SPAG16: variants seen among roughly 807,000 people sequenced by gnomAD.
The protein encoded by SPAG16 is sperm associated antigen 16, also known as sperm-associated antigen 16 protein.
In SPAG16, 86 loss-of-function variants were observed where a neutral mutation model predicts 80.4. The observed-to-expected ratio is 1.07, with a 90% CI of 0.90 to 1.28. The LOEUF is 1.28. Among genes scored for constraint, SPAG16 ranks in the 50% most tolerant of loss-of-function variants. The pLI, the probability that SPAG16 is intolerant of heterozygous loss-of-function variation, is 0.00. For synonymous variants in SPAG16, 294 were observed against 265.9 expected, an observed-to-expected ratio of 1.11 and a Z score of -1.03; for missense variants, 870 against 765.3, an observed-to-expected ratio of 1.14 and a Z score of -1.61.
intron 3 of SPAG16, among the ~76,000 whole-genome samples, chr2:213,300,596 G>T (rs2062700375): frequency 1.3e-5 from 2 of 152,082 alleles, no homozygotes; most frequent in South Asian, 4.1e-4. Context: ...ATACTAAAAA[G>T]ATTTGTAAAA....
chr2:214,234,071 G>T (rs13002516), intron 15 of SPAG16, among the ~76,000 whole-genome samples: 47,883 of 121,782 alleles, frequency 0.39, 7,718 homozygotes, highest in East Asian at 0.55. Flanking sequence ...AGTATGTGTT[G>T]TTTCCCCCCC....
chr2:213,907,055 T>C (rs1468634581), intron 11 of SPAG16, among the ~76,000 whole-genome samples: 1 of 152,022 alleles, frequency 6.6e-6, no homozygotes, highest in Non-Finnish European at 1.5e-5. Flanking sequence ...AAGGAAACAA[T>C]CAACAGAATG....
intron 12 of SPAG16, among the ~76,000 whole-genome samples, chr2:213,976,283 TG>T (rs1287051293): frequency 6.6e-6 from 1 of 151,108 alleles, no homozygotes; most frequent in African/African-American, 2.4e-5. Context: ...TGCGTACACA[TG>T]TGTGCACATA....
chr2:214,320,731 G>A (rs1696037263), intron 15 of SPAG16, among the ~76,000 whole-genome samples: 1 of 152,028 alleles, frequency 6.6e-6, no homozygotes, highest in African/African-American at 2.4e-5. Flanking sequence ...AACAGCATGG[G>A]GGAAACTGCA....
At chr2:213,971,496 T>C (rs1252313083) in intron 12 of SPAG16, among the ~76,000 whole-genome samples, 1 of 147,286 alleles carries the variant, frequency 6.8e-6, no homozygotes, top group Non-Finnish European at 1.5e-5. Context: ...TGTTAAAACA[T>C]ATGTAACACA....
chr2:214,128,889 C>T (rs952922922), intron 14 of SPAG16, among the ~76,000 whole-genome samples: 1 of 151,788 alleles, frequency 6.6e-6, no homozygotes, highest in Non-Finnish European at 1.5e-5. Flanking sequence ...AGTGCTCAAA[C>T]TAGGGCTAAT....
At chr2:213,882,512 T>A (rs949912318) in intron 11 of SPAG16, among the ~76,000 whole-genome samples, 1 of 152,190 alleles carries the variant, frequency 6.6e-6, no homozygotes, top group Non-Finnish European at 1.5e-5. Flanking sequence ...AGGATTTTAA[T>A]CTGTTCCTGG....
rs1275491731 is a variant in SPAG16 at position 213,305,254 on chromosome 2, T to A, written c.280-4805T>A. 2.0e-5 allele frequency among the ~76,000 whole-genome samples: 3 copies of A among 152,110 alleles called. No individual in the cohort carries two copies. The East Asian group carries it at 5.8e-4, about 29-fold the overall frequency. On this transcript the variant is annotated intron_variant, in intron 3 of 15. Transcript: ENST00000331683. Reference sequence around the variant, plus strand: ...GCAGCTTTACTGACTTTATCAGTCCTTTTGGTGAATAGGTTTTTTTCGAGT... The same window carrying A: ...GCAGCTTTACTGACTTTATCAGTCCATTTGGTGAATAGGTTTTTTTCGAGT...
chr2:213,528,627 C>A (rs2075967940), intron 10 of SPAG16, among the ~76,000 whole-genome samples: 1 of 152,084 alleles, frequency 6.6e-6, no homozygotes, highest in African/African-American at 2.4e-5. Context: ...TAGCCTCACT[C>A]CCCTCTTTGA....
intron 9 of SPAG16, among the ~76,000 whole-genome samples, chr2:213,467,597 G>A (rs538906813): frequency 2.0e-5 from 3 of 152,348 alleles, no homozygotes; most frequent in African/African-American, 7.2e-5. Context: ...AGAAATGGCT[G>A]TGCTGGTATC....
intron 10 of SPAG16, among the ~76,000 whole-genome samples, chr2:213,674,318 T>C (rs2063943674): frequency 6.6e-6 from 1 of 152,176 alleles, no homozygotes; most frequent in Non-Finnish European, 1.5e-5. Context: ...TGATTTTTTT[T>C]CTTAAAGTCA....
intron 7 of SPAG16, among the ~76,000 whole-genome samples, chr2:213,360,127 T>C (rs1175922194): frequency 6.6e-6 from 1 of 152,220 alleles, no homozygotes; most frequent in East Asian, 1.9e-4. Flanking sequence ...GCCACTGAGC[T>C]GTCACCACAG....
chr2:213,408,016 CAGAG>C (rs914868703), intron 9 of SPAG16, among the ~76,000 whole-genome samples: 1 of 104,102 alleles, frequency 9.6e-6, no homozygotes, highest in Non-Finnish European at 1.9e-5. Context: ...AGGAGAGAGG[CAGAG>C]AGAGACAGGA....
chr2:213,976,775 A>T, intron 12 of SPAG16, among the ~76,000 whole-genome samples: 1 of 152,214 alleles, frequency 6.6e-6, no homozygotes, highest in South Asian at 2.1e-4. Context: ...CTTCAGCCAC[A>T]AGAAACAGCA....
At chr2:213,828,932 C>T (rs144237112) in intron 10 of SPAG16, among the ~76,000 whole-genome samples, 1 of 152,268 alleles carries the variant, frequency 6.6e-6, no homozygotes, top group East Asian at 1.9e-4. Context: ...GGATGGGTGA[C>T]ACAATCACCC....
At chr2:213,292,512 A>G (rs981553281) in intron 1 of SPAG16, among the ~76,000 whole-genome samples, 12 of 150,788 alleles carry the variant, frequency 8.0e-5, no homozygotes, top group Non-Finnish European at 1.6e-4. Flanking sequence ...AAAATACAAA[A>G]AATTAGCCGG....
At chr2:213,680,092 CA>C (rs1178301575) in intron 10 of SPAG16, among the ~76,000 whole-genome samples, 1 of 152,114 alleles carries the variant, frequency 6.6e-6, no homozygotes, top group Admixed American at 6.6e-5. Context: ...GCAGAAGGAA[CA>C]AGTAGAGGCT....
intron 12 of SPAG16, among the ~76,000 whole-genome samples, chr2:213,947,993 C>G (rs897549889): frequency 2.6e-5 from 4 of 152,070 alleles, no homozygotes; most frequent in African/African-American, 9.7e-5. Context: ...CTTTGCTGAT[C>G]ATCAATTGCT....
intron 15 of SPAG16, among the ~76,000 whole-genome samples, chr2:214,275,013 G>T (rs774111087): frequency 4.6e-5 from 7 of 152,076 alleles, no homozygotes; most frequent in African/African-American, 1.7e-4. Flanking sequence ...CTTCTTCCTG[G>T]TTTAGTGTTG....
Sources: gnomAD v4.1 joint callset for allele counts (sites outside exome capture counted in the v4.1 genomes callset) on GRCh38, gnomAD v4.1.1 for gene constraint, MANE v1.5 for transcripts, NCBI Gene and HGNC (gene_info 2026-07-23, HGNC 2026-07-21) for gene names.